Variants in DDAH1 observed in about 807,000 individuals in gnomAD.
DDAH1 encodes dimethylarginine dimethylaminohydrolase 1.
DDAH1 carries 19 observed loss-of-function variants against 28.8 expected under a neutral mutation model. That is an observed-to-expected ratio of 0.66 (90% CI 0.46 to 0.97). The LOEUF is 0.97. DDAH1 is among the 50% of genes least tolerant of loss of function. DDAH1 has a pLI of 0.00. For synonymous variants in DDAH1, 153 were observed against 154.4 expected (o/e 0.99, Z 0.07); for missense variants, 326 against 375.9 (o/e 0.87, Z 1.10).
In DDAH1 at chr1:85,428,763, G is replaced by T. The variant is rs1215182480; in HGVS notation, c.303+35980C>A. Among the ~76,000 whole-genome samples the T allele has an allele frequency of 2.6e-5, 4 of 152,212 alleles. 1 individual carries two copies. The highest frequency in any genetic ancestry group is 6.8e-3 in the Middle Eastern group (2 of 294). The stretch of plus-strand genomic sequence containing the variant: ...CCTGCTTGCTTGGAAGACAAAGAAT[G>T]CTGTGCTTTATTCAGGAAGATCAAG... On this transcript the variant is annotated intron_variant, in intron 1 of 5. Transcript: ENST00000284031.
chr1:85,369,222 AT>A (rs34408053), intron 1 of DDAH1, among the ~76,000 whole-genome samples: 20,704 of 133,642 alleles, frequency 0.15, 1,278 homozygotes, highest in South Asian at 0.27. Context: ...CCAATGGCCA[AT>A]TTTTTTTTTT....
At chr1:85,449,793 G>C (rs1654584365) in intron 1 of DDAH1, among the ~76,000 whole-genome samples, 2 of 152,268 alleles carry the variant, frequency 1.3e-5, no homozygotes, top group South Asian at 4.1e-4. Context: ...AGCAGGAACA[G>C]GTGGCAGATG....
chr1:85,569,849 G>A lies in DDAH1; in HGVS notation c.-123+8135C>T, dbSNP rs536086750. Among the ~76,000 whole-genome samples, 15 of 152,282 alleles carry A rather than the reference G, an allele frequency of 9.9e-5. No homozygotes were observed. In the South Asian group the frequency reaches 2.1e-3, roughly 21 times the overall value. On this transcript the variant is annotated intron_variant, in intron 1 of 6. Coordinates refer to the DDAH1 transcript ENST00000426972. The stretch of plus-strand genomic sequence containing the variant: ...AATCCACGAGAATGTCCTAATTCAC[G>A]GTTGCTCTTCAGCTTCTCTTGTTTC...
intron 2 of DDAH1, chr1:85,494,449 A>G (rs970261194): frequency 6.6e-6 from 1 of 152,132 alleles, no homozygotes; most frequent in African/African-American, 2.4e-5. Context: ...TGGGAGAGAG[A>G]CTGTCCCTAC....
exon 2 of DDAH1, chr1:85,496,278 G>A (rs1656591420): frequency 1.5e-5 from 14 of 949,894 alleles, no homozygotes; most frequent in Non-Finnish European, 1.8e-5. Flanking sequence ...CCATACAGAT[G>A]AAACTGCAAA....
At chr1:85,342,026 A>G (rs945840569) in intron 4 of DDAH1, among the ~76,000 whole-genome samples, 1 of 152,072 alleles carries the variant, frequency 6.6e-6, no homozygotes, top group East Asian at 1.9e-4. Context: ...TTTCACCTTG[A>G]CTGGCTGTTA....
intron 1 of DDAH1, among the ~76,000 whole-genome samples, chr1:85,370,250 G>A (rs770408689): frequency 1.9e-4 from 29 of 152,178 alleles, no homozygotes; most frequent in Non-Finnish European, 3.8e-4. Flanking sequence ...CTGCAAGCCA[G>A]GCAGAGGCCT....
At chr1:85,482,110 G>T (rs564062200) in intron 2 of DDAH1, among the ~76,000 whole-genome samples, 2 of 152,188 alleles carry the variant, frequency 1.3e-5, no homozygotes, top group Non-Finnish European at 2.9e-5. Context: ...AACCCTGTTA[G>T]CATGTGCATA....
chr1:85,351,691 G>C, intron 2 of DDAH1, 112 bp from the exon 3 acceptor site: 2 of 769,772 alleles, frequency 2.6e-6, no homozygotes, highest in East Asian at 5.2e-5. Flanking sequence ...TCTTACCACA[G>C]AGAACAGCTT....
At chr1:85,502,661 C>CCCGCCG (rs1196544717) in intron 1 of DDAH1, among the ~76,000 whole-genome samples, 1 of 152,132 alleles carries the variant, frequency 6.6e-6, no homozygotes, top group African/African-American at 2.4e-5. Flanking sequence ...TCCACCTATC[C>CCCGCCG]CCACCGCCAC....
intron 4 of DDAH1, among the ~76,000 whole-genome samples, chr1:85,343,844 T>C (rs1406723496): frequency 1.3e-5 from 2 of 152,204 alleles, no homozygotes; most frequent in African/African-American, 4.8e-5. Flanking sequence ...ACATGGACAT[T>C]TTTGGACATA....
intron 4 of DDAH1, among the ~76,000 whole-genome samples, chr1:85,339,400 AGT>A (rs1295252171): frequency 3.9e-5 from 6 of 152,220 alleles, no homozygotes; most frequent in Non-Finnish European, 8.8e-5. Flanking sequence ...GCAAACAGAT[AGT>A]GTGATGAGTA....
At chr1:85,562,140 G>A (rs901682819) in intron 1 of DDAH1, among the ~76,000 whole-genome samples, 12 of 151,082 alleles carry the variant, frequency 7.9e-5, no homozygotes, top group Admixed American at 5.9e-4. Context: ...ATCCAAGGTA[G>A]AACAAAAGGC....
At chr1:85,531,303 C>A (rs1658083680) in intron 1 of DDAH1, among the ~76,000 whole-genome samples, 1 of 151,896 alleles carries the variant, frequency 6.6e-6, no homozygotes, top group African/African-American at 2.4e-5. Context: ...GACAGAGGTC[C>A]ATTTCTACTC....
Position 85,358,175 on chromosome 1 carries a change from G to GTACA in DDAH1, c.403+569_403+572dup, listed in dbSNP as rs143155496. 4.5e-3 allele frequency among the ~76,000 whole-genome samples: 693 copies of GTACA among 152,320 alleles called. 4 individuals carry two copies. The highest frequency in any genetic ancestry group is 0.015 in the African/African-American group (630 of 41,568). ...TAGAAGCAAGATACAAAGTGGTGAT[G>GTACA]TACATACCAATAATGTTCTTGTAAA... On this transcript the variant is annotated intron_variant, in intron 2 of 5. Coordinates refer to ENST00000284031, the MANE Select transcript of DDAH1 (RefSeq NM_012137.4).
At chr1:85,497,992 C>T (rs1334168838) in intron 1 of DDAH1, among the ~76,000 whole-genome samples, 4 of 152,118 alleles carry the variant, frequency 2.6e-5, no homozygotes, top group Non-Finnish European at 5.9e-5. Context: ...GTGAACTAAC[C>T]CCCTAGTGTC....
chr1:85,375,332 CG>C, intron 1 of DDAH1, among the ~76,000 whole-genome samples: 1 of 152,048 alleles, frequency 6.6e-6, no homozygotes, highest in East Asian at 1.9e-4. Context: ...CTGGTCAACT[CG>C]AGCCCTCATT....
intron 1 of DDAH1, among the ~76,000 whole-genome samples, chr1:85,410,913 C>T (rs1652625590): frequency 6.6e-6 from 1 of 152,170 alleles, no homozygotes; most frequent in Admixed American, 6.5e-5. Flanking sequence ...AAGAAGCAGG[C>T]ATTCTGATGA....
At chr1:85,470,906 A>G (rs993329376) in intron 2 of DDAH1, among the ~76,000 whole-genome samples, 4 of 152,226 alleles carry the variant, frequency 2.6e-5, no homozygotes, top group Non-Finnish European at 5.9e-5. Flanking sequence ...GCAGTGGATA[A>G]GGCATGGGTT....
Sources: allele counts gnomAD v4.1 joint callset (sites outside exome capture counted in the v4.1 genomes callset), GRCh38; gene constraint gnomAD v4.1.1; transcripts MANE v1.5; gene names NCBI Gene and HGNC (gene_info 2026-07-23, HGNC 2026-07-21).